Variants in PDZD9 observed in about 807,000 individuals in gnomAD.
PDZD9 encodes PDZ domain containing 9.
Under a neutral mutation model 16.3 loss-of-function variants are expected in PDZD9, and 13 were observed. The observed-to-expected ratio is 0.80, with a 90% CI of 0.52 to 1.27. The LOEUF is 1.27. Ranked by LOEUF, PDZD9 falls within the 50% of genes most tolerant of loss-of-function variation. PDZD9 has a pLI of 0.00. For missense variants in PDZD9, 288 were observed against 310.9 expected (o/e 0.93, Z 0.55); for synonymous variants, 120 against 111.0 (o/e 1.08, Z -0.51).
the PDZD9 span, among the ~76,000 whole-genome samples, chr16:21,958,962 A>G: frequency 6.6e-6 from 1 of 152,210 alleles, no homozygotes; most frequent in East Asian, 1.9e-4. Context: ...GTACAATGAC[A>G]TTTTGTCTTG....
the PDZD9 span, among the ~76,000 whole-genome samples, chr16:21,978,824 C>G: frequency 6.6e-6 from 1 of 152,152 alleles, no homozygotes; most frequent in Non-Finnish European, 1.5e-5. Flanking sequence ...TAAAATTGCC[C>G]TGTTTCACTG....
intron 2 of PDZD9, among the ~76,000 whole-genome samples, chr16:21,992,735 T>C (rs945543107): frequency 6.6e-6 from 1 of 152,200 alleles, no homozygotes; most frequent in Non-Finnish European, 1.5e-5. Context: ...CACTGTCGGC[T>C]TCCCAACTTT....
downstream of PDZD9, chr16:21,982,963 CAAAAAA>C: frequency 5.6e-4 from 299 of 529,222 alleles, no homozygotes; most frequent in East Asian, 1.0e-3. Context: ...GACTCCACCT[CAAAAAA>C]AAAAAAAAAA....
chr16:21,998,532 G>A (rs887392208), intron 1 of PDZD9: 3 of 151,864 alleles, frequency 2.0e-5, no homozygotes, highest in African/African-American at 2.4e-5. Context: ...CTGTCTCTAA[G>A]TTACAAAAAA....
the PDZD9 span, among the ~76,000 whole-genome samples, chr16:21,978,501 C>T: frequency 1.3e-5 from 2 of 152,248 alleles, no homozygotes; most frequent in Admixed American, 1.3e-4. Context: ...CTTACAAGAC[C>T]TGTACTGCCC....
the PDZD9 span, among the ~76,000 whole-genome samples, chr16:21,975,800 C>CA: frequency 1.3e-5 from 2 of 152,170 alleles, no homozygotes; most frequent in South Asian, 4.1e-4. Flanking sequence ...ATTAGAAATC[C>CA]ATGTGTTTGG....
chr16:21,969,467 G>T, the PDZD9 span, among the ~76,000 whole-genome samples: 11 of 152,294 alleles, frequency 7.2e-5, no homozygotes, highest in Non-Finnish European at 1.5e-5. Flanking sequence ...AGGAGGCAGT[G>T]ATTGCAGTGA....
the PDZD9 span, among the ~76,000 whole-genome samples, chr16:21,964,013 C>T: frequency 2.0e-5 from 3 of 151,966 alleles, no homozygotes; most frequent in South Asian, 2.1e-4. Context: ...TGTAAGCAAG[C>T]GCCGCTGACT....
chr16:21,974,022 T>TCC, the PDZD9 span: 1 of 1,435,346 alleles, frequency 7.0e-7, no homozygotes, highest in Admixed American at 2.4e-5. Flanking sequence ...AAGTTATTTC[T>TCC]CCCCCCCGCC....
At chr16:21,959,410 C>A in the PDZD9 span, 1 of 255,458 alleles carries the variant, frequency 3.9e-6, no homozygotes, top group Non-Finnish European at 7.9e-6. Context: ...CCATAAGAAG[C>A]ATCTCCTCAT....
chr16:21,993,567 C>T (rs1899074550), intron 2 of PDZD9, among the ~76,000 whole-genome samples: 1 of 152,204 alleles, frequency 6.6e-6, no homozygotes, highest in Admixed American at 6.5e-5. Context: ...CCCTTAGCTG[C>T]AAATTAGAAT....
rs1898802269 is a variant in PDZD9 at position 21,983,972 on chromosome 16, A to G, written c.*295T>C. On this transcript the variant is annotated 3_prime_UTR_variant, in exon 4 of 4. Transcript: ENST00000424898. ...GTGTTTACATAAAGTGACATTCTCT[A>G]CTATGTTCAGACATTCTGATATTGG... 4.3e-6 allele frequency: 1 copy of G among 233,420 alleles called. No homozygotes were observed. Among genetic ancestry groups the G allele is most frequent in the Non-Finnish European group, 8.3e-6 (1 of 121,080 alleles). 14.5% of individuals were successfully genotyped at this position (233,420 alleles called of 1,614,324 possible). A position where few individuals can be genotyped will look rare whatever the true frequency, so the allele number is the denominator to read the frequency against.
the PDZD9 span, chr16:21,962,991 A>T: frequency 3.7e-6 from 5 of 1,352,314 alleles, no homozygotes; most frequent in South Asian, 3.2e-5. Context: ...TTTTATTTTT[A>T]TTTATTTATT....
chr16:21,970,548 T>C, the PDZD9 span, among the ~76,000 whole-genome samples: 1 of 152,186 alleles, frequency 6.6e-6, no homozygotes, highest in Non-Finnish European at 1.5e-5. Flanking sequence ...ACATTGAACA[T>C]ATTTTCATGT....
In PDZD9 at chr16:21,988,157, G is replaced by A. The variant is rs1000278612; in HGVS notation, c.401+445C>T. ...CGAATAGCTGGAATTACAGGCACGCGCCACCACATCCAGCTAATTTTTGTA... is the reference window on the plus strand; with the variant it reads ...CGAATAGCTGGAATTACAGGCACGCACCACCACATCCAGCTAATTTTTGTA... On this transcript the variant is annotated intron_variant, in intron 3 of 3. Transcript: ENST00000424898. Among the ~76,000 whole-genome samples, 9 of 151,820 alleles carry A rather than the reference G, an allele frequency of 5.9e-5. No individual in the cohort carries two copies. In the South Asian group the frequency reaches 8.3e-4, roughly 14 times the overall value.
the PDZD9 span, chr16:21,962,547 C>A: frequency 6.2e-7 from 1 of 1,613,720 alleles, no homozygotes; most frequent in Non-Finnish European, 8.5e-7. Context: ...AGGACTTCTG[C>A]TTTGAAAGAA....
downstream of PDZD9, chr16:21,983,421 G>A: frequency 2.2e-6 from 1 of 455,260 alleles, no homozygotes; most frequent in Non-Finnish European, 3.8e-6. Flanking sequence ...TGTTTTAGAT[G>A]CTTTAAAGGA....
chr16:21,984,618 T>G lies in PDZD9; in HGVS notation c.444A>C (p.Thr148=), dbSNP rs766916821. The change falls in exon 4 of 4, where the codon ACA becomes ACC. Residue 148 remains threonine (T), a synonymous_variant. Transcript: ENST00000424898. ...CTACATTTTCATTATCATCACTGCTTGTGAAAGATTCATCTTTTGCCAGCT... is the reference window on the plus strand; with the variant it reads ...CTACATTTTCATTATCATCACTGCTGGTGAAAGATTCATCTTTTGCCAGCT... ...KIELAKDESF[T]SSDDNENVDL... is the part of the protein sequence containing the mutation. The G allele has an allele frequency of 6.5e-7, 1 of 1,530,416 alleles. No individual in the cohort carries two copies. The highest frequency in any genetic ancestry group is 2.1e-5 in the Admixed American group (1 of 47,344). The allele number at this position is 1,530,416 out of a possible 1,614,324, so 94.8% of individuals were successfully genotyped here.
At chr16:21,960,644 T>C in the PDZD9 span, among the ~76,000 whole-genome samples, 1 of 152,174 alleles carries the variant, frequency 6.6e-6, no homozygotes, top group South Asian at 2.1e-4. Flanking sequence ...TTCTAGCTTC[T>C]GATTTAAAGT....
Sources: gnomAD v4.1 joint callset for allele counts (sites outside exome capture counted in the v4.1 genomes callset) on GRCh38, gnomAD v4.1.1 for gene constraint, MANE v1.5 for transcripts, NCBI Gene and HGNC (gene_info 2026-07-23, HGNC 2026-07-21) for gene names.